Variants in RPTOR observed in about 807,000 individuals in gnomAD.
RPTOR encodes regulatory-associated protein of mTOR.
A neutral mutation model predicts 169.9 loss-of-function variants in RPTOR; 21 were observed. The observed-to-expected ratio is 0.12, with a 90% CI of 0.09 to 0.18. The LOEUF (loss-of-function observed/expected upper bound fraction) is 0.18. RPTOR is among the 10% of genes least tolerant of loss of function. The pLI is 1.00. For missense variants in RPTOR, 1,133 were observed against 1,855.9 expected (o/e 0.61, Z 7.16); for synonymous variants, 732 against 753.2 (o/e 0.97, Z 0.46).
rs1199516511 is a variant in RPTOR at position 80,743,854 on chromosome 17, GAGCCCTGGCTACTAGCAC to G, written c.655-10137_655-10120del. ...ACTAGCACAGCCCTGGTTACTAGCAGAGCCCTGGCTACTAGCACAGCCCTGGCTACTAGCACTGTCCTG... is the reference window on the plus strand; with the variant it reads ...ACTAGCACAGCCCTGGTTACTAGCAGAGCCCTGGCTACTAGCACTGTCCTG... On this transcript the variant is annotated intron_variant, in intron 5 of 33. Coordinates refer to ENST00000306801, the MANE Select transcript of RPTOR (RefSeq NM_020761.3). Among the ~76,000 whole-genome samples the G allele has an allele frequency of 1.3e-3, 23 of 18,384 alleles. 3 individuals carry two copies. Among genetic ancestry groups the G allele is most frequent in the Admixed American group, 2.0e-3 (4 of 2,002 alleles). 12.1% of individuals were successfully genotyped at this position (18,384 alleles called of 152,430 possible).
At chr17:80,850,535 G>A (rs1000576691) in intron 11 of RPTOR, among the ~76,000 whole-genome samples, 1 of 152,178 alleles carries the variant, frequency 6.6e-6, no homozygotes, top group African/African-American at 2.4e-5. Context: ...TCAACCTCCA[G>A]AGTAGCTGGG....
At chr17:80,964,212 A>G in intron 33 of RPTOR, 50 bp from the exon 34 acceptor site, 3 of 666,414 alleles carry the variant, frequency 4.5e-6, no homozygotes, top group Non-Finnish European at 4.9e-6. Context: ...CGCCCCCCGC[A>G]GTGTCTGCCC....
chr17:80,602,786 T>C, intron 1 of RPTOR: 1 of 706,788 alleles, frequency 1.4e-6, no homozygotes, highest in Admixed American at 1.9e-5. Flanking sequence ...TCCGAATCTC[T>C]CTGAGTGCCC....
At chr17:80,692,252 T>C (rs2143744127) in intron 3 of RPTOR, among the ~76,000 whole-genome samples, 1 of 152,104 alleles carries the variant, frequency 6.6e-6, no homozygotes, top group Admixed American at 6.5e-5. Flanking sequence ...GCCAAGACTA[T>C]AGGTGCACGC....
chr17:80,625,985 A>C (rs960655709), intron 2 of RPTOR, among the ~76,000 whole-genome samples, 192 bp downstream of exon 2: 2 of 152,146 alleles, frequency 1.3e-5, no homozygotes, highest in Admixed American at 1.3e-4. Context: ...TAGTGGAGAG[A>C]GTGTTTCCAG....
chr17:80,923,140 G>A (rs1248719650), intron 22 of RPTOR, among the ~76,000 whole-genome samples: 2 of 152,200 alleles, frequency 1.3e-5, no homozygotes, highest in Non-Finnish European at 2.9e-5. Context: ...TCTCCAAATG[G>A]GTAACCAACA....
chr17:80,896,564 A>AGCCGCGCCGACACCCCACACG (rs1310840301), intron 20 of RPTOR, among the ~76,000 whole-genome samples: 1 of 21,082 alleles, frequency 4.7e-5, no homozygotes, highest in African/African-American at 9.8e-5. Context: ...CACCCCACAC[A>AGCCGCGCCGACACCCCACACG]GCCGCGCCGA....
In RPTOR at chr17:80,646,368, A is replaced by G. The variant is rs2065596008; in HGVS notation, c.348+2558A>G. ...AGGTGTGAGCGTGGGGCTGTGCCAT[A>G]TGCACTGGGTAATAATAGCACTTGC... On this transcript the variant is annotated intron_variant, in intron 3 of 33. Transcript: ENST00000306801. The surrounding 1 kb of genome is among the most constrained non-coding windows in gnomAD (Gnocchi z 5.0). Among the ~76,000 whole-genome samples the G allele has an allele frequency of 6.6e-6, 1 of 152,174 alleles. No individual in the cohort carries two copies. Among genetic ancestry groups the G allele is most frequent in the South Asian group, 2.1e-4 (1 of 4,828 alleles).
intron 1 of RPTOR, among the ~76,000 whole-genome samples, chr17:80,563,406 G>A (rs1324550158): frequency 1.3e-5 from 2 of 151,040 alleles, no homozygotes; most frequent in Non-Finnish European, 1.5e-5. Context: ...GGTGGCGGCC[G>A]CCTGTAGTCC....
At chr17:80,622,983 T>C (rs1164874182) in intron 1 of RPTOR, among the ~76,000 whole-genome samples, 1 of 152,210 alleles carries the variant, frequency 6.6e-6, no homozygotes, top group East Asian at 1.9e-4. Flanking sequence ...ACTAAAATGC[T>C]TCCTTTTTCC....
At chr17:80,594,107 A>G (rs2065126999) in intron 1 of RPTOR, among the ~76,000 whole-genome samples, 1 of 123,220 alleles carries the variant, frequency 8.1e-6, no homozygotes, top group Non-Finnish European at 1.8e-5. Context: ...CTTTTCTTTC[A>G]TTTTGAGACA....
Position 80,754,514 on chromosome 17 carries a change from G to A in RPTOR, c.830+329G>A, listed in dbSNP as rs2291359. Among the ~76,000 whole-genome samples, 43,023 of 152,080 alleles carry A rather than the reference G, an allele frequency of 0.28. 7,305 individuals are homozygous for A. The highest frequency in any genetic ancestry group is 0.52 in the East Asian group (2,675 of 5,170). On this transcript the variant is annotated intron_variant, in intron 6 of 33. Transcript: ENST00000306801. This position sits in a 1 kb window ranked among gnomAD's most constrained non-coding sequence, Gnocchi z 4.2. ...ACTGGAAACTGGACTTTCTTTCAGG[G>A]GAAGAAAAGGCTGTTATGAAAAAGG...
intron 28 of RPTOR, among the ~76,000 whole-genome samples, chr17:80,953,828 C>T (rs775810557): frequency 2.8e-4 from 42 of 152,208 alleles, no homozygotes; most frequent in Non-Finnish European, 5.7e-4. Flanking sequence ...CCCTCCCGCC[C>T]GGTTGCACAC....
At chr17:80,734,732 A>G (rs548740847) in intron 5 of RPTOR, among the ~76,000 whole-genome samples, 2 of 152,226 alleles carry the variant, frequency 1.3e-5, no homozygotes, top group African/African-American at 2.4e-5. Flanking sequence ...GTCTCTTTAT[A>G]AGGAAGAACA....
intron 19 of RPTOR, 131 bp downstream of exon 19, chr17:80,893,000 C>A: frequency 8.9e-7 from 1 of 1,125,814 alleles, no homozygotes; most frequent in Non-Finnish European, 1.3e-6. Flanking sequence ...TCCCATCTGC[C>A]AACATGGTGA....
chr17:80,856,848 A>G (rs1314373910), intron 12 of RPTOR, among the ~76,000 whole-genome samples: 4 of 152,202 alleles, frequency 2.6e-5, no homozygotes, highest in Non-Finnish European at 1.5e-5. Flanking sequence ...AAATTTGCCT[A>G]ATACATGAAT....
intron 6 of RPTOR, among the ~76,000 whole-genome samples, chr17:80,783,586 G>A (rs182525161): frequency 6.6e-6 from 1 of 152,340 alleles, no homozygotes; most frequent in Admixed American, 6.5e-5. Context: ...CCCGTGGAAG[G>A]TGTATTCCAT....
intron 1 of RPTOR, among the ~76,000 whole-genome samples, chr17:80,579,907 G>C (rs2065000299): frequency 6.6e-6 from 1 of 152,114 alleles, no homozygotes; most frequent in African/African-American, 2.4e-5. Context: ...GATTATTCCT[G>C]ATGCAGTGCT....
intron 13 of RPTOR, among the ~76,000 whole-genome samples, chr17:80,866,868 T>C (rs2067998419): frequency 6.6e-6 from 1 of 152,186 alleles, no homozygotes; most frequent in Admixed American, 6.5e-5. Context: ...CCTGAGTCAC[T>C]GTGCCTGTCA....
Sources: gnomAD v4.1 joint callset for allele counts (sites outside exome capture counted in the v4.1 genomes callset) on GRCh38, gnomAD v4.1.1 for gene constraint, Gnocchi (gnomAD v3.1) non-coding constraint, MANE v1.5 for transcripts, NCBI Gene and HGNC (gene_info 2026-07-23, HGNC 2026-07-21) for gene names.